STXBP6: variants seen among roughly 807,000 people sequenced by gnomAD.
The protein encoded by STXBP6 is syntaxin-binding protein 6.
A neutral mutation model predicts 26.9 loss-of-function variants in STXBP6; 21 were observed. The ratio of observed to expected loss-of-function variants is 0.78; its 90% CI spans 0.55 to 1.12. STXBP6 has a LOEUF of 1.12. Among genes scored for constraint, STXBP6 ranks in the 50% most tolerant of loss-of-function variants. The pLI, the probability that STXBP6 is intolerant of heterozygous loss-of-function variation, is 0.00. For synonymous variants in STXBP6, 97 were observed against 92.6 expected, an observed-to-expected ratio of 1.05 and a Z score of -0.27; for missense variants, 232 against 257.9, an observed-to-expected ratio of 0.90 and a Z score of 0.69.
intron 2 of STXBP6, among the ~76,000 whole-genome samples, chr14:24,962,228 A>G (rs1028378583): frequency 3.3e-5 from 5 of 152,208 alleles, no homozygotes; most frequent in Admixed American, 2.6e-4. Flanking sequence ...CCTGGTGTAG[A>G]CCATGTTAAA....
intron 4 of STXBP6, among the ~76,000 whole-genome samples, chr14:24,848,632 C>T (rs2069043563): frequency 6.6e-6 from 1 of 152,042 alleles, no homozygotes; most frequent in South Asian, 2.1e-4. Context: ...CTAACTATAA[C>T]CCACCAGCTG....
intron 3 of STXBP6, 128 bp from the exon 4 acceptor site, chr14:24,856,229 T>A (rs1215618548): frequency 1.1e-6 from 1 of 901,782 alleles, no homozygotes; most frequent in African/African-American, 1.7e-5. Context: ...CTCATCTTTA[T>A]CCAAGTGTAT....
chr14:25,027,488 C>T (rs534645911), intron 1 of STXBP6, among the ~76,000 whole-genome samples: 1 of 152,304 alleles, frequency 6.6e-6, no homozygotes, highest in Non-Finnish European at 1.5e-5. Context: ...GTCCCGGTCT[C>T]TATCCCTTCG....
chr14:24,885,823 ATACTACC>A (rs2070562947), intron 2 of STXBP6, among the ~76,000 whole-genome samples: 1 of 152,358 alleles, frequency 6.6e-6, no homozygotes, highest in Admixed American at 6.5e-5. Flanking sequence ...ACGTGACGTG[ATACTACC>A]TAGTAACAGA....
rs988122426 is a variant in STXBP6, at chr14:24,870,542, T to C, written c.155-13385A>G. 7.2e-5 allele frequency among the ~76,000 whole-genome samples: 11 copies of C among 152,332 alleles called. 2 individuals carry two copies. Among genetic ancestry groups the C allele is most frequent in the Admixed American group, 3.9e-4 (6 of 15,302 alleles). ...CCTTTGGGCATGTTACCTTCTAAGA[T>C]ACATTATTTTAGTGTCTTTTTCTAA... On this transcript the variant is annotated intron_variant, in intron 2 of 5. Transcript: ENST00000323944.
chr14:24,834,612 G>A (rs1169721340), intron 4 of STXBP6, among the ~76,000 whole-genome samples: 2 of 152,204 alleles, frequency 1.3e-5, no homozygotes, highest in African/African-American at 4.8e-5. Context: ...GCCACACAGT[G>A]CTGAAGAAAC....
chr14:24,983,204 A>G (rs2140246887), intron 1 of STXBP6, among the ~76,000 whole-genome samples: 1 of 152,364 alleles, frequency 6.6e-6, no homozygotes, highest in East Asian at 1.9e-4. Context: ...ATTGAACCAC[A>G]TCAAAAGAGG....
At chr14:25,001,062 G>A (rs943564576) in intron 1 of STXBP6, among the ~76,000 whole-genome samples, 2 of 152,108 alleles carry the variant, frequency 1.3e-5, no homozygotes, top group African/African-American at 4.8e-5. Context: ...AGAGGAAAAA[G>A]GGGAAATGTC....
chr14:25,007,144 G>A (rs947579109), intron 1 of STXBP6, among the ~76,000 whole-genome samples: 2 of 152,234 alleles, frequency 1.3e-5, no homozygotes, highest in Admixed American at 6.5e-5. Flanking sequence ...AGATACATAT[G>A]TGATTTATCT....
chr14:24,814,397 T>G (rs1337053150), intron 5 of STXBP6, among the ~76,000 whole-genome samples: 1 of 152,374 alleles, frequency 6.6e-6, no homozygotes, highest in East Asian at 1.9e-4. Flanking sequence ...GGTTAAGTGT[T>G]GTGCATAATA....
At chr14:24,871,819 C>T (rs1292398928) in intron 2 of STXBP6, among the ~76,000 whole-genome samples, 1 of 152,138 alleles carries the variant, frequency 6.6e-6, no homozygotes. Context: ...GACCATGGAT[C>T]AAAACATTCA....
intron 4 of STXBP6, among the ~76,000 whole-genome samples, chr14:24,845,180 T>A (rs996240341): frequency 3.3e-4 from 50 of 151,918 alleles, no homozygotes; most frequent in African/African-American, 1.2e-3. Flanking sequence ...CCTGGCTAAT[T>A]TTTTTGTACT....
At chr14:24,955,500 C>T (rs2073312951) in intron 2 of STXBP6, among the ~76,000 whole-genome samples, 1 of 152,192 alleles carries the variant, frequency 6.6e-6, no homozygotes, top group African/African-American at 2.4e-5. Context: ...TAAGGACAGA[C>T]AGCTTGGAAT....
intron 2 of STXBP6, among the ~76,000 whole-genome samples, chr14:24,864,824 T>TCAC (rs1162088499): frequency 6.6e-6 from 1 of 152,094 alleles, no homozygotes; most frequent in Non-Finnish European, 1.5e-5. Context: ...TCCTGCCTCC[T>TCAC]CACCACCACC....
intron 1 of STXBP6, among the ~76,000 whole-genome samples, chr14:24,996,622 C>T (rs967029392): frequency 2.6e-5 from 4 of 151,766 alleles, no homozygotes; most frequent in African/African-American, 7.3e-5. Flanking sequence ...GAGGCTGAGG[C>T]AGGTGGATCA....
At chr14:25,039,543 C>G (rs1354741204) in intron 1 of STXBP6, among the ~76,000 whole-genome samples, 3 of 152,144 alleles carry the variant, frequency 2.0e-5, no homozygotes, top group Non-Finnish European at 4.4e-5. Flanking sequence ...AGGAATTAGG[C>G]CTTCTTCAAG....
intron 1 of STXBP6, among the ~76,000 whole-genome samples, chr14:24,997,863 A>G (rs915232551): frequency 1.4e-4 from 21 of 152,126 alleles, no homozygotes; most frequent in Middle Eastern, 3.2e-3. Flanking sequence ...TATATATTAT[A>G]TAGCTTGTGT....
chr14:24,895,935 G>A (rs1032545504), intron 2 of STXBP6, among the ~76,000 whole-genome samples: 1 of 152,216 alleles, frequency 6.6e-6, no homozygotes, highest in Non-Finnish European at 1.5e-5. Context: ...CCAGCACACA[G>A]AACTCACTGA....
At chr14:24,875,941 G>T (rs537071895) in intron 2 of STXBP6, among the ~76,000 whole-genome samples, 1 of 152,200 alleles carries the variant, frequency 6.6e-6, no homozygotes, top group South Asian at 2.1e-4. Context: ...TGAAATAGTG[G>T]CAGGATATGA....
Sources: gnomAD v4.1 joint callset for allele counts (sites outside exome capture counted in the v4.1 genomes callset) on GRCh38, gnomAD v4.1.1 for gene constraint, MANE v1.5 for transcripts, NCBI Gene and HGNC (gene_info 2026-07-23, HGNC 2026-07-21) for gene names.